IRF8: variants seen among roughly 807,000 people sequenced by gnomAD.
IRF8 encodes the protein interferon regulatory factor 8, also known as interferon consensus sequence binding protein 1.
A neutral mutation model predicts 48.7 loss-of-function variants in IRF8; 14 were observed. The ratio of observed to expected loss-of-function variants is 0.29; its 90% CI spans 0.19 to 0.45. IRF8 has a LOEUF of 0.45. IRF8 is among the 20% of genes least tolerant of loss of function. The pLI is 1.00. For missense variants in IRF8, 493 were observed against 580.7 expected, an observed-to-expected ratio of 0.85 and a Z score of 1.55; for synonymous variants, 278 against 227.3, an observed-to-expected ratio of 1.22 and a Z score of -2.01.
chr16:85,913,922 G>A (rs76221500), intron 5 of IRF8: 2,449 of 176,198 alleles, frequency 0.014, 68 homozygotes, highest in African/African-American at 0.055. Context: ...TCTGCAGCCG[G>A]TGAATGTGTT....
In IRF8 at chr16:85,910,951, G is replaced by T. The variant is rs79334782; in HGVS notation, c.359-619G>T. 3.5e-3 allele frequency among the ~76,000 whole-genome samples: 529 copies of T among 152,326 alleles called. 24 individuals carry two copies. In the East Asian group the frequency reaches 0.089, roughly 26 times the overall value. On this transcript the variant is annotated intron_variant, in intron 3 of 8. Transcript: ENST00000268638. ...AAGGTAAGTTGTCGACTGAGGAAGC[G>T]GCATGAGAAGGGAAAGAGCAGAGGC...
intron 2 of IRF8, among the ~76,000 whole-genome samples, chr16:85,905,917 C>T (rs946661480): frequency 1.3e-5 from 2 of 152,172 alleles, no homozygotes; most frequent in Non-Finnish European, 2.9e-5. Flanking sequence ...ATCCTGAGGC[C>T]GGCCTCATGG....
intron 1 of IRF8, 55 bp from the exon 2 acceptor site, chr16:85,902,960 G>GTGA: frequency 6.3e-7 from 1 of 1,598,408 alleles, no homozygotes; most frequent in East Asian, 2.2e-5. Flanking sequence ...TTGGGTTGCT[G>GTGA]TGATGAATGA....
At chr16:85,904,554 C>G (rs148615659) in intron 2 of IRF8, among the ~76,000 whole-genome samples, 1 of 152,206 alleles carries the variant, frequency 6.6e-6, no homozygotes, top group Non-Finnish European at 1.5e-5. Flanking sequence ...TTCAGTAATT[C>G]TGTTAAATCT....
chr16:85,914,382 T>C (rs1905233018), intron 5 of IRF8, 91 bp from the exon 6 acceptor site: 2 of 1,508,816 alleles, frequency 1.3e-6, no homozygotes, highest in South Asian at 2.3e-5. Flanking sequence ...GTGCAGCCTT[T>C]TAAGGGACTT....
At chr16:85,916,279 A>C (rs1290548015) in intron 6 of IRF8, among the ~76,000 whole-genome samples, 1 of 152,228 alleles carries the variant, frequency 6.6e-6, no homozygotes, top group African/African-American at 2.4e-5. Flanking sequence ...CAGGTCATCC[A>C]GCTGGGCAGC....
chr16:85,914,596 G>A (rs760926986), intron 6 of IRF8, 76 bp downstream of exon 6: 215 of 1,531,690 alleles, frequency 1.4e-4, no homozygotes, highest in Non-Finnish European at 1.8e-4. Flanking sequence ...GCAGGGTTGC[G>A]GGGTTTCGAG....
At chr16:85,905,605 A>G (rs1904975358) in intron 2 of IRF8, among the ~76,000 whole-genome samples, 1 of 152,196 alleles carries the variant, frequency 6.6e-6, no homozygotes, top group Admixed American at 6.5e-5. Context: ...ACATGGCGCC[A>G]GCAAGAGCCC....
At chr16:85,918,136 C>T (rs975578146) in intron 6 of IRF8, among the ~76,000 whole-genome samples, 2 of 152,150 alleles carry the variant, frequency 1.3e-5, no homozygotes, top group East Asian at 3.9e-4. Flanking sequence ...AGTTACCAGA[C>T]CTTCTCTAGA....
chr16:85,902,833 A>T, intron 1 of IRF8, 182 bp from the exon 2 acceptor site: 1 of 679,748 alleles, frequency 1.5e-6, no homozygotes, highest in Non-Finnish European at 2.6e-6. Flanking sequence ...CAGGGCTGTG[A>T]GGTCATGGAG....
chr16:85,917,093 A>G (rs1056918970), intron 6 of IRF8, among the ~76,000 whole-genome samples: 1 of 152,164 alleles, frequency 6.6e-6, no homozygotes, highest in African/African-American at 2.4e-5. Flanking sequence ...GGAGGGTCCA[A>G]GGAGTTCTGA....
At chr16:85,906,392 C>G (rs909973230) in intron 2 of IRF8, among the ~76,000 whole-genome samples, 1 of 152,116 alleles carries the variant, frequency 6.6e-6, no homozygotes, top group Admixed American at 6.5e-5. Context: ...TGCTCTAGCT[C>G]AAGAAGGATC....
chr16:85,905,771 C>G (rs998925366), intron 2 of IRF8, among the ~76,000 whole-genome samples: 2 of 152,232 alleles, frequency 1.3e-5, no homozygotes, highest in African/African-American at 4.8e-5. Flanking sequence ...ACACTTGTTT[C>G]TTTCAACTGT....
At position 85,903,037 on chromosome 16, in the gene IRF8, C is replaced by A; in HGVS notation, c.22C>A (p.Arg8=). 1 of 1,614,082 alleles carries A rather than the reference C, an allele frequency of 6.2e-7. No homozygotes were observed. Among genetic ancestry groups the A allele is most frequent in the South Asian group, 1.1e-5 (1 of 91,042 alleles). Residue 8 remains arginine, a synonymous_variant, in exon 2 of 9, where the codon CGG becomes AGG. Transcript: ENST00000268638. MCDRNGG[R]RLRQWLIEQI... is the part of the protein sequence containing the mutation. The stretch of plus-strand genomic sequence containing the variant: ...AAGGATGTGTGACCGGAATGGTGGT[C>A]GGCGGCTTCGACAGTGGCTGATCGA...
intron 6 of IRF8, among the ~76,000 whole-genome samples, chr16:85,917,303 T>C (rs1428549109): frequency 1.3e-5 from 2 of 152,168 alleles, no homozygotes; most frequent in Admixed American, 1.3e-4. Flanking sequence ...TGTAATTCTT[T>C]TGGTTTAAGG....
intron 2 of IRF8, among the ~76,000 whole-genome samples, chr16:85,905,359 C>CG (rs202104886): frequency 5.9e-5 from 9 of 152,236 alleles, no homozygotes; most frequent in African/African-American, 1.9e-4. Flanking sequence ...AACTTGTGCT[C>CG]GGGGGGTAAT....
Position 85,918,806 on chromosome 16 carries a change from C to A in IRF8, c.988+3C>A. 6.2e-7 allele frequency: 1 copy of A among 1,606,906 alleles called. No individual in the cohort carries two copies. Among genetic ancestry groups the A allele is most frequent in the East Asian group, 2.2e-5 (1 of 44,876 alleles). On this transcript the variant is annotated splice_donor_region_variant and intron_variant, in intron 7 of 8. Coordinates refer to ENST00000268638, the MANE Select transcript of IRF8 (RefSeq NM_002163.4). ...CGACACCAGCCAGTTCTTCCGAGGT[C>A]TGTACCGTCGTCACCTTGCTGCCCC... is the stretch of plus-strand genomic sequence containing the variant.
intron 6 of IRF8, among the ~76,000 whole-genome samples, chr16:85,917,005 C>T (rs116395868): frequency 2.6e-5 from 4 of 152,268 alleles, no homozygotes; most frequent in African/African-American, 4.8e-5. Context: ...CTAGAACCTG[C>T]GTAACTCCAG....
chr16:85,902,330 A>G (rs1458836824), intron 1 of IRF8, among the ~76,000 whole-genome samples: 2 of 152,148 alleles, frequency 1.3e-5, no homozygotes. Flanking sequence ...TTCTCTTACA[A>G]CCAGTACAGG....
Sources: allele counts gnomAD v4.1 joint callset (sites outside exome capture counted in the v4.1 genomes callset), GRCh38; gene constraint gnomAD v4.1.1; transcripts MANE v1.5; gene names NCBI Gene and HGNC (gene_info 2026-07-23, HGNC 2026-07-21).